Variants in THSD7B observed in about 807,000 individuals in gnomAD.
THSD7B encodes the protein thrombospondin type-1 domain-containing protein 7B.
THSD7B carries 138 observed loss-of-function variants against 213.6 expected under a neutral mutation model. The ratio of observed to expected loss-of-function variants is 0.65; its 90% CI spans 0.56 to 0.74. THSD7B has a LOEUF of 0.74. Ranked by LOEUF, THSD7B falls within the 30% of genes least tolerant of loss-of-function variation. The probability of loss-of-function intolerance (pLI) is 0.00; values close to 1 mark genes in which losing one functional copy is unlikely to be tolerated. For missense variants in THSD7B, 1,931 were observed against 1,991.5 expected (o/e 0.97, Z 0.58); for synonymous variants, 742 against 687.0 (o/e 1.08, Z -1.25).
At chr2:137,516,966 G>A (rs532481959) in intron 15 of THSD7B, among the ~76,000 whole-genome samples, 29 of 152,328 alleles carry the variant, frequency 1.9e-4, no homozygotes, top group African/African-American at 5.3e-4. Flanking sequence ...AAGACAGATG[G>A]ATCTTGGAGA....
At chr2:136,927,671 C>T (rs1020212718) in intron 2 of THSD7B, among the ~76,000 whole-genome samples, 3 of 152,142 alleles carry the variant, frequency 2.0e-5, no homozygotes, top group African/African-American at 7.2e-5. Flanking sequence ...GTGAATGTTG[C>T]GTCTGGGGAA....
chr2:137,471,509 T>A (rs537744322), intron 15 of THSD7B, among the ~76,000 whole-genome samples: 1 of 152,042 alleles, frequency 6.6e-6, no homozygotes, highest in South Asian at 2.1e-4. Context: ...GCACTTCTGC[T>A]TGTTTGTTCC....
intron 12 of THSD7B, among the ~76,000 whole-genome samples, chr2:137,379,262 A>C (rs1258634724): frequency 6.6e-6 from 1 of 152,228 alleles, no homozygotes. Context: ...TGTTTCCAAC[A>C]TGCAAAATAA....
intron 14 of THSD7B, among the ~76,000 whole-genome samples, chr2:137,427,878 A>G (rs928389445): frequency 1.3e-5 from 2 of 152,146 alleles, no homozygotes; most frequent in African/African-American, 4.8e-5. Context: ...AGTGAAGTAT[A>G]TGTTATTTTG....
intron 5 of THSD7B, among the ~76,000 whole-genome samples, chr2:137,153,502 A>T (rs186996280): frequency 1.1e-4 from 17 of 152,292 alleles, no homozygotes; most frequent in Non-Finnish European, 2.4e-4. Context: ...ATTAAGCTTT[A>T]TTAGGTATAA....
chr2:137,489,477 A>G (rs554483078), intron 15 of THSD7B, among the ~76,000 whole-genome samples: 1 of 151,826 alleles, frequency 6.6e-6, no homozygotes, highest in Non-Finnish European at 1.5e-5. Context: ...CATAACAAGT[A>G]GAATCGAGTT....
At chr2:136,969,590 AG>A (rs1042693483) in intron 2 of THSD7B, among the ~76,000 whole-genome samples, 21 of 152,164 alleles carry the variant, frequency 1.4e-4, no homozygotes, top group African/African-American at 4.8e-4. Flanking sequence ...TTTAATTATG[AG>A]GGTTTTTTTG....
chr2:137,344,609 G>A (rs1330279736), intron 12 of THSD7B, among the ~76,000 whole-genome samples: 2 of 151,658 alleles, frequency 1.3e-5, no homozygotes, highest in Admixed American at 6.6e-5. Flanking sequence ...CAAACCGGGA[G>A]TGTTAGAGCT....
rs1388813587 is a variant in THSD7B at position 137,616,198 on chromosome 2, GAGA to G, written c.3452_3454del (p.Arg1151del). On this transcript the variant is annotated inframe_deletion, in exon 18 of 28. Coordinates refer to ENST00000409968, the MANE Select transcript of THSD7B (RefSeq NM_001316349.2). Reference sequence around the variant, plus strand: ...AGTCATGCGATCCCCACACAATGCAGAGAAGAACTCGCCACCTGCTAAGACCAT... The same window carrying G: ...AGTCATGCGATCCCCACACAATGCAGAGAACTCGCCACCTGCTAAGACCAT... 6.2e-7 allele frequency: 1 copy of G among 1,613,732 alleles called. No individual in the cohort carries two copies. The highest frequency in any genetic ancestry group is 1.1e-5 in the South Asian group (1 of 91,062).
intron 1 of THSD7B, among the ~76,000 whole-genome samples, chr2:136,878,430 T>C (rs1351559011): frequency 2.0e-5 from 3 of 152,256 alleles, no homozygotes; most frequent in South Asian, 4.1e-4. Flanking sequence ...TGGGTATATA[T>C]CCAGTAATGG....
chr2:136,825,267 A>G (rs1192034573), intron 1 of THSD7B, among the ~76,000 whole-genome samples: 2 of 152,188 alleles, frequency 1.3e-5, no homozygotes, highest in Non-Finnish European at 2.9e-5. Flanking sequence ...TTTAATGGTA[A>G]TTAAAACAAA....
At chr2:137,118,142 T>C (rs1021462412) in intron 5 of THSD7B, among the ~76,000 whole-genome samples, 1 of 152,224 alleles carries the variant, frequency 6.6e-6, no homozygotes, top group Non-Finnish European at 1.5e-5. Context: ...ATGATTTTGC[T>C]TAACACTTGT....
chr2:136,867,375 GC>G (rs1478493834), intron 1 of THSD7B, among the ~76,000 whole-genome samples: 3 of 152,148 alleles, frequency 2.0e-5, no homozygotes, highest in African/African-American at 7.2e-5. Context: ...TACCTCAGGT[GC>G]AGTTCACCAA....
chr2:137,212,099 A>G (rs1037075804), intron 7 of THSD7B, among the ~76,000 whole-genome samples: 10 of 152,198 alleles, frequency 6.6e-5, no homozygotes, highest in African/African-American at 2.4e-4. Flanking sequence ...AAAGTCAAAA[A>G]TTTTATTAGA....
chr2:137,065,089 C>A (rs1017161417), intron 3 of THSD7B, among the ~76,000 whole-genome samples: 14 of 151,854 alleles, frequency 9.2e-5, no homozygotes, highest in African/African-American at 3.4e-4. Context: ...TGCACTAAAT[C>A]TATAGATTAC....
intron 5 of THSD7B, among the ~76,000 whole-genome samples, chr2:137,135,487 C>A (rs971809043): frequency 6.6e-6 from 1 of 152,168 alleles, no homozygotes; most frequent in African/African-American, 2.4e-5. Flanking sequence ...GAGATTCCTG[C>A]AAATTGATTA....
At chr2:137,346,942 C>T (rs1684888798) in intron 12 of THSD7B, among the ~76,000 whole-genome samples, 1 of 151,574 alleles carries the variant, frequency 6.6e-6, no homozygotes, top group Non-Finnish European at 1.5e-5. Context: ...CAAATAAATA[C>T]ATAGAAGCGG....
rs148528007 is a variant in THSD7B, at chr2:136,907,448, T to C, written c.139+25131T>C. Among the ~76,000 whole-genome samples, 812 of 152,324 alleles carry C rather than the reference T, an allele frequency of 5.3e-3. 4 individuals are homozygous for C. Among genetic ancestry groups the C allele is most frequent in the African/African-American group, 0.018 (746 of 41,580 alleles). On this transcript the variant is annotated intron_variant, in intron 2 of 27. Coordinates refer to ENST00000409968, the MANE Select transcript of THSD7B (RefSeq NM_001316349.2). ...AGTGAAAGTTTAAAGTTTTTACTTA[T>C]TTTATCAGATCTGTGAAAGTGGATA...
intron 1 of THSD7B, among the ~76,000 whole-genome samples, chr2:136,852,982 T>C (rs1340587402): frequency 6.6e-6 from 1 of 152,170 alleles, no homozygotes; most frequent in African/African-American, 2.4e-5. Context: ...GTTTCCCTAA[T>C]TGTTAACATT....
Sources: gnomAD v4.1 joint callset for allele counts (sites outside exome capture counted in the v4.1 genomes callset) on GRCh38, gnomAD v4.1.1 for gene constraint, MANE v1.5 for transcripts, NCBI Gene and HGNC (gene_info 2026-07-23, HGNC 2026-07-21) for gene names.